The following CLIC5 variants were observed in gnomAD, a reference collection of about 807,000 sequenced individuals.
CLIC5 encodes the protein chloride intracellular channel protein 5.
Under a neutral mutation model 24.7 loss-of-function variants are expected in CLIC5, and 20 were observed. That is an observed-to-expected ratio of 0.81 (90% CI 0.57 to 1.18). The LOEUF (loss-of-function observed/expected upper bound fraction) is 1.18, where lower values mean the gene tolerates loss of function less well. Ranked by LOEUF, CLIC5 falls within the 50% of genes most tolerant of loss-of-function variation. CLIC5 has a pLI of 0.00. For synonymous variants in CLIC5, 159 were observed against 135.6 expected (o/e 1.17, Z -1.20); for missense variants, 341 against 326.1 (o/e 1.05, Z -0.35).
At chr6:46,055,074 G>A (rs1307898284) in intron 1 of CLIC5, among the ~76,000 whole-genome samples, 2 of 152,068 alleles carry the variant, frequency 1.3e-5, no homozygotes, top group East Asian at 1.9e-4. Flanking sequence ...CTAAATTCCC[G>A]AAGAACATTG....
chr6:45,967,468 C>T (rs1348994448), intron 1 of CLIC5, among the ~76,000 whole-genome samples: 1 of 152,140 alleles, frequency 6.6e-6, no homozygotes, highest in Non-Finnish European at 1.5e-5. Flanking sequence ...AGCAACAATG[C>T]CTAATGTGAG....
the CLIC5 span, among the ~76,000 whole-genome samples, chr6:46,089,778 G>A: frequency 6.6e-6 from 1 of 152,098 alleles, no homozygotes; most frequent in Admixed American, 6.5e-5. Flanking sequence ...CGGGTAACAT[G>A]AGTAATTTCA....
exon 1 of CLIC5, chr6:46,080,070 A>G: frequency 6.4e-7 from 1 of 1,551,698 alleles, no homozygotes; most frequent in Non-Finnish European, 8.7e-7. Context: ...GACTGACACA[A>G]AATCATACTC....
At chr6:45,891,884 C>T (rs375837350) in intron 6 of CLIC5, among the ~76,000 whole-genome samples, 4 of 152,094 alleles carry the variant, frequency 2.6e-5, no homozygotes, top group South Asian at 2.1e-4. Context: ...TACAACTGTA[C>T]GATGAAGATT....
At chr6:46,118,119 G>T in the CLIC5 span, among the ~76,000 whole-genome samples, 5 of 152,180 alleles carry the variant, frequency 3.3e-5, no homozygotes, top group South Asian at 1.0e-3. Flanking sequence ...AGGCTGCAGG[G>T]ATGTCTCTCT....
chr6:45,959,943 C>T (rs2127392469), intron 1 of CLIC5, among the ~76,000 whole-genome samples: 1 of 152,098 alleles, frequency 6.6e-6, no homozygotes, highest in East Asian at 1.9e-4. Context: ...TCTGCACATG[C>T]ATGACTGGCT....
chr6:45,883,500 C>T (rs749224905), intron 6 of CLIC5, among the ~76,000 whole-genome samples: 9 of 152,238 alleles, frequency 5.9e-5, no homozygotes, highest in South Asian at 2.1e-4. Flanking sequence ...GTGATGGGCT[C>T]CTGGCATGGG....
At chr6:46,084,064 T>G (rs1752466832), upstream of CLIC5, among the ~76,000 whole-genome samples, 1 of 152,226 alleles carries the variant, frequency 6.6e-6, no homozygotes, top group Admixed American at 6.5e-5. Context: ...TTTGTTGGTT[T>G]AAAGTCTGTT....
upstream of CLIC5, among the ~76,000 whole-genome samples, chr6:46,080,718 A>G (rs374481126): frequency 3.2e-4 from 48 of 152,326 alleles, no homozygotes; most frequent in South Asian, 9.1e-3. Flanking sequence ...TCATCTATTT[A>G]CTGCTGAATT....
intron 1 of CLIC5, among the ~76,000 whole-genome samples, chr6:46,049,721 A>G (rs905233584): frequency 2.0e-5 from 3 of 152,242 alleles, no homozygotes; most frequent in African/African-American, 7.2e-5. Context: ...CAGATATGTC[A>G]TATAGACTAC....
At chr6:46,128,629 G>A in the CLIC5 span, among the ~76,000 whole-genome samples, 1 of 152,174 alleles carries the variant, frequency 6.6e-6, no homozygotes, top group Admixed American at 6.5e-5. Context: ...GTAACAAGAC[G>A]CGTTTTGCAG....
intron 5 of CLIC5, chr6:45,913,684 T>C: frequency 5.2e-6 from 4 of 772,654 alleles, no homozygotes; most frequent in Non-Finnish European, 7.0e-6. Flanking sequence ...ATGCTGCAAA[T>C]GGTTAGTAAG....
At chr6:45,984,436 T>G (rs141196265) in intron 1 of CLIC5, among the ~76,000 whole-genome samples, 167 of 152,308 alleles carry the variant, frequency 1.1e-3, no homozygotes, top group African/African-American at 3.8e-3. Flanking sequence ...GCTGTGTGGC[T>G]TTGAGACGAG....
chr6:45,975,638 C>A (rs1207811054), intron 1 of CLIC5, among the ~76,000 whole-genome samples: 8 of 151,896 alleles, frequency 5.3e-5, no homozygotes, highest in Non-Finnish European at 7.4e-5. Flanking sequence ...TGTTGCTAAT[C>A]TTAAAAAAAA....
chr6:46,021,151 A>C (rs6940735), intron 1 of CLIC5, among the ~76,000 whole-genome samples: 11,915 of 151,660 alleles, frequency 0.079, 559 homozygotes, highest in Middle Eastern at 0.12. Context: ...CAGACACTTT[A>C]ACCTAGAAGA....
At chr6:45,911,586 T>C in intron 5 of CLIC5, 2 of 984,758 alleles carry the variant, frequency 2.0e-6, no homozygotes, top group Non-Finnish European at 2.4e-6. Context: ...AAAAGTATTT[T>C]TCACAGTGAC....
At chr6:46,117,357 G>T in the CLIC5 span, among the ~76,000 whole-genome samples, 1 of 152,126 alleles carries the variant, frequency 6.6e-6, no homozygotes, top group African/African-American at 2.4e-5. Flanking sequence ...TCAAAGGAGG[G>T]GCTTGGGACA....
chr6:46,050,896 C>T (rs558442175), intron 1 of CLIC5, among the ~76,000 whole-genome samples: 3 of 148,864 alleles, frequency 2.0e-5, no homozygotes, highest in African/African-American at 4.9e-5. Flanking sequence ...CCCATGGAAT[C>T]TTTGAGGTGA....
chr6:45,896,628 T>A (rs927810213), downstream of CLIC5, among the ~76,000 whole-genome samples: 2 of 152,264 alleles, frequency 1.3e-5, no homozygotes, highest in African/African-American at 4.8e-5. Flanking sequence ...GCAGCATAGG[T>A]CACAACAACT....
Sources: gnomAD v4.1 joint callset for allele counts (sites outside exome capture counted in the v4.1 genomes callset) on GRCh38, gnomAD v4.1.1 for gene constraint, MANE v1.5 for transcripts, NCBI Gene and HGNC (gene_info 2026-07-23, HGNC 2026-07-21) for gene names.